The following FREM3 variants were observed in gnomAD, a reference collection of about 807,000 sequenced individuals.
The protein encoded by FREM3 is FRAS1-related extracellular matrix protein 3.
In FREM3, 105 loss-of-function variants were observed where a neutral mutation model predicts 129.1. That is an observed-to-expected ratio of 0.81 (90% confidence interval 0.69 to 0.96). FREM3 has a LOEUF of 0.96. Ranked by LOEUF, FREM3 falls within the 40% of genes least tolerant of loss-of-function variation. The pLI is 0.00. For missense variants in FREM3, 2,593 were observed against 2,666.3 expected, an observed-to-expected ratio of 0.97 and a Z score of 0.61; for synonymous variants, 1,014 against 1,044.9, an observed-to-expected ratio of 0.97 and a Z score of 0.57.
At chr4:143,612,578 C>A (rs189321126) in intron 5 of FREM3, among the ~76,000 whole-genome samples, 1 of 152,080 alleles carries the variant, frequency 6.6e-6, no homozygotes, top group Admixed American at 6.6e-5. Context: ...AAAGCAATTG[C>A]GGTTTTCCCA....
chr4:143,648,299 A>G (rs931309073), intron 2 of FREM3, among the ~76,000 whole-genome samples: 1 of 152,222 alleles, frequency 6.6e-6, no homozygotes, highest in Non-Finnish European at 1.5e-5. Flanking sequence ...CTTGTCTCAG[A>G]TGAGACTTTG....
At chr4:143,661,890 G>T (rs934749637) in intron 2 of FREM3, among the ~76,000 whole-genome samples, 1 of 152,136 alleles carries the variant, frequency 6.6e-6, no homozygotes, top group Non-Finnish European at 1.5e-5. Flanking sequence ...GGTGTTTGTA[G>T]TATTCTCTGA....
rs894943259 is a variant in FREM3 at position 143,699,875 on chromosome 4, C to G, written c.801G>C (p.Met267Ile). 3 of 1,536,752 alleles carry G rather than the reference C, an allele frequency of 2.0e-6. No homozygotes were observed. The highest frequency in any genetic ancestry group is 2.6e-6 in the Non-Finnish European group (3 of 1,146,874). ...TSSPNRDYVP[M>I]MVELLGPEGQ... Reference sequence around the variant, plus strand: ...CCTCAGGCCCCAGCAGCTCCACCATCATGGGCACGTAGTCACGGTTGGGCG... The same window carrying G: ...CCTCAGGCCCCAGCAGCTCCACCATGATGGGCACGTAGTCACGGTTGGGCG... The change falls in exon 1 of 8, where the codon ATG becomes ATC. Residue 267 changes from methionine to isoleucine, a missense_variant. Transcript: ENST00000329798. This position sits in a 1 kb window ranked among gnomAD's most constrained non-coding sequence, Gnocchi z 4.2.
At chr4:143,620,728 A>T (rs1738930619) in intron 5 of FREM3, among the ~76,000 whole-genome samples, 1 of 152,236 alleles carries the variant, frequency 6.6e-6, no homozygotes, top group African/African-American at 2.4e-5. Context: ...AACTCTTTTG[A>T]CACAAGATGT....
At chr4:143,634,452 A>G (rs1739199971) in intron 2 of FREM3, among the ~76,000 whole-genome samples, 1 of 152,100 alleles carries the variant, frequency 6.6e-6, no homozygotes, top group Admixed American at 6.6e-5. Context: ...AAGATACCCC[A>G]GGGGCTCTGA....
intron 5 of FREM3, among the ~76,000 whole-genome samples, chr4:143,619,987 A>G (rs2149841100): frequency 6.6e-6 from 1 of 152,368 alleles, no homozygotes; most frequent in Admixed American, 6.5e-5. Flanking sequence ...CTGAATATAC[A>G]GATGGAAAAT....
intron 6 of FREM3, among the ~76,000 whole-genome samples, chr4:143,593,559 G>A (rs1738407243): frequency 6.6e-6 from 1 of 152,188 alleles, no homozygotes. Context: ...GGATATTGGT[G>A]AACTGCAAAT....
chr4:143,698,132 G>C lies in FREM3; in HGVS notation c.2544C>G (p.Ser848Arg). Residue 848 changes from serine to arginine, a missense_variant, in exon 1 of 8, where the codon AGC becomes AGG. Physicochemically the swap from Ser to Arg is moderately radical, Grantham distance 110. Around this residue, in one of 2 missense-constraint regions of FREM3, gnomAD observed 2,276 missense variants for 2,267.2 expected, o/e 1.00. Transcript: ENST00000329798. ...AILEGGSFNL[S>R]SNELHVTDPD... ...GGTCTGTAACATGCAGCTCATTACT[G>C]CTGAGGTTAAAGCTGCCTCCCTCTA... is the stretch of plus-strand genomic sequence containing the variant. The C allele has an allele frequency of 6.5e-7, 1 of 1,537,474 alleles. No homozygotes were observed. The highest frequency in any genetic ancestry group is 8.7e-7 in the Non-Finnish European group (1 of 1,146,966).
chr4:143,663,638 C>G (rs1739787297), intron 2 of FREM3, among the ~76,000 whole-genome samples: 1 of 152,100 alleles, frequency 6.6e-6, no homozygotes, highest in Non-Finnish European at 1.5e-5. Context: ...GCCTGCCTTT[C>G]TAGATTGGGG....
At chr4:143,673,208 C>T (rs1331358429) in intron 2 of FREM3, among the ~76,000 whole-genome samples, 1 of 152,048 alleles carries the variant, frequency 6.6e-6, no homozygotes, top group Admixed American at 6.6e-5. Context: ...CTGTTTTTTC[C>T]CCATCTTTGT....
rs541802263 is a variant in FREM3 at position 143,675,976 on chromosome 4, G to A, written c.5275+17137C>T. On this transcript the variant is annotated intron_variant, in intron 2 of 7. Transcript: ENST00000329798. ...CTACCAGAGGTACAAGGAGGAGCTG[G>A]TACCATTCCTTCTGAAACTATTCCA... 1.4e-4 allele frequency among the ~76,000 whole-genome samples: 22 copies of A among 152,232 alleles called. No homozygotes were observed. The South Asian group carries it at 2.5e-3, about 17-fold the overall frequency.
chr4:143,579,112 G>T (rs1738090627), intron 7 of FREM3, among the ~76,000 whole-genome samples: 1 of 150,618 alleles, frequency 6.6e-6, no homozygotes, highest in African/African-American at 2.4e-5. Flanking sequence ...CTGTAAGTTT[G>T]AGATTACTCC....
chr4:143,601,370 A>T (rs989916585), intron 6 of FREM3, among the ~76,000 whole-genome samples: 5 of 152,216 alleles, frequency 3.3e-5, no homozygotes, highest in Non-Finnish European at 5.9e-5. Context: ...GGTAATATTT[A>T]TAGGGAAATT....
At position 143,696,794 on chromosome 4, in the gene FREM3, C is replaced by G; in HGVS notation, c.3882G>C (p.Lys1294Asn). 6.5e-7 allele frequency: 1 copy of G among 1,537,778 alleles called. No individual in the cohort carries two copies. The highest frequency in any genetic ancestry group is 8.7e-7 in the Non-Finnish European group (1 of 1,147,042). Residue 1294 changes from lysine (K) to asparagine (N), a missense_variant, in exon 1 of 8, where the codon AAG becomes AAC. This residue lies in a region of FREM3 where 2,276 missense variants were observed against 2,267.2 expected (regional missense o/e 1.00). Transcript: ENST00000329798. ...CCACTAGGGTCACTACAATGGGTAC[C>G]TTCCTGTGGGTTGTGTGCTTGCCGT... The part of the protein sequence containing the change: ...LSDGKHTTHR[K>N]VPIVVTLVDD...
chr4:143,625,122 A>G (rs13143261), intron 3 of FREM3, among the ~76,000 whole-genome samples: 19,835 of 152,138 alleles, frequency 0.13, 1,498 homozygotes, highest in South Asian at 0.24. Context: ...AAAATACCCA[A>G]TGTGAGATAC....
At chr4:143,680,670 C>A (rs978817885) in intron 2 of FREM3, among the ~76,000 whole-genome samples, 1 of 152,042 alleles carries the variant, frequency 6.6e-6, no homozygotes. Flanking sequence ...AGCAAACAGA[C>A]TTCAAGCATT....
chr4:143,653,206 A>C (rs533667230), intron 2 of FREM3, among the ~76,000 whole-genome samples: 4 of 152,296 alleles, frequency 2.6e-5, no homozygotes, highest in Non-Finnish European at 5.9e-5. Flanking sequence ...GTCCAAGCCC[A>C]ACTTAGCTAG....
At chr4:143,665,316 A>G (rs1739838311) in intron 2 of FREM3, among the ~76,000 whole-genome samples, 1 of 152,100 alleles carries the variant, frequency 6.6e-6, no homozygotes, top group Non-Finnish European at 1.5e-5. Flanking sequence ...ACTTATTCTC[A>G]TAGTAATTGA....
At chr4:143,630,125 G>A (rs532148322) in intron 2 of FREM3, among the ~76,000 whole-genome samples, 9 of 152,174 alleles carry the variant, frequency 5.9e-5, no homozygotes, top group South Asian at 2.1e-4. Flanking sequence ...ACAAATTATG[G>A]ATCTTCAGTT....
Sources: allele counts gnomAD v4.1 joint callset (sites outside exome capture counted in the v4.1 genomes callset), GRCh38; gene constraint gnomAD v4.1.1; regional missense constraint gnomAD v4.1.1; non-coding constraint Gnocchi (gnomAD v3.1); transcripts MANE v1.5; gene names NCBI Gene and HGNC (gene_info 2026-07-23, HGNC 2026-07-21).